Variants in CHRNA3 observed in about 807,000 individuals in gnomAD.
CHRNA3 encodes the protein neuronal acetylcholine receptor subunit alpha-3.
CHRNA3 carries 34 observed loss-of-function variants against 41.9 expected under a neutral mutation model. The observed-to-expected ratio is 0.81, with a 90% CI of 0.62 to 1.08. The LOEUF is 1.08. Ranked by LOEUF, CHRNA3 falls within the 50% of genes least tolerant of loss-of-function variation. The pLI, the probability that CHRNA3 is intolerant of heterozygous loss-of-function variation, is 0.00. For missense variants in CHRNA3, 542 were observed against 638.3 expected, an observed-to-expected ratio of 0.85 and a Z score of 1.63; for synonymous variants, 281 against 265.2, an observed-to-expected ratio of 1.06 and a Z score of -0.58.
At chr15:78,612,076 C>A (rs1352134105) in intron 4 of CHRNA3, among the ~76,000 whole-genome samples, 1 of 152,086 alleles carries the variant, frequency 6.6e-6, no homozygotes, top group Non-Finnish European at 1.5e-5. Context: ...AAGATACAAA[C>A]AAATGGAAGA....
Position 78,602,065 on chromosome 15 carries a change from C to T in CHRNA3, c.577G>A (p.Gly193Ser), listed in dbSNP as rs768795101. The change falls in exon 5 of 6, where the codon GGC becomes AGC. Residue 193 changes from glycine to serine, a missense_variant. By Grantham distance (56) the Gly-to-Ser change is moderately conservative. Coordinates refer to ENST00000326828, the MANE Select transcript of CHRNA3 (RefSeq NM_000743.5). ...DKAKIDLVLI[G>S]SSMNLKDYWE... is the part of the protein sequence containing the mutation. ...TAGTCCTTGAGGTTCATGGAAGAGCCGATCAGGACCAGATCGATTTTCGCC... is the reference window on the plus strand; with the variant it reads ...TAGTCCTTGAGGTTCATGGAAGAGCTGATCAGGACCAGATCGATTTTCGCC... The T allele has an allele frequency of 1.2e-5, 20 of 1,613,920 alleles. No homozygotes were observed. The Admixed American group carries it at 1.8e-4, about 15-fold the overall frequency.
intron 4 of CHRNA3, among the ~76,000 whole-genome samples, chr15:78,612,792 A>C (rs1596081071): frequency 7.0e-6 from 1 of 142,162 alleles, no homozygotes; most frequent in South Asian, 2.2e-4. Flanking sequence ...AACCTACAAA[A>C]TGGGAGAAAA....
intron 3 of CHRNA3, 105 bp from the exon 4 acceptor site, chr15:78,617,238 G>C: frequency 1.4e-6 from 1 of 695,704 alleles, no homozygotes; most frequent in Non-Finnish European, 2.5e-6. Context: ...CCTGCTGCAT[G>C]TGACCGAACC....
chr15:78,597,972 G>A (rs1186218817), intron 5 of CHRNA3, among the ~76,000 whole-genome samples: 2 of 152,120 alleles, frequency 1.3e-5, no homozygotes, highest in African/African-American at 4.8e-5. Context: ...TTTGCCATGA[G>A]GTACTTCATT....
chr15:78,602,133 T>A lies in CHRNA3; in HGVS notation c.509A>T (p.Tyr170Phe). ...ACCGAACTTCATGGTACAGTTTTGGTAATCAAACGGGAAGTAGGTCACGTC... is the reference window on the plus strand; with the variant it reads ...ACCGAACTTCATGGTACAGTTTTGGAAATCAAACGGGAAGTAGGTCACGTC... The part of the protein sequence containing the change: ...KIDVTYFPFD[Y>F]QNCTMKFGSW... The change falls in exon 5 of 6, where the codon TAC (tyrosine) becomes TTC (phenylalanine). Residue 170 changes from tyrosine to phenylalanine, a missense_variant. Coordinates refer to ENST00000326828, the MANE Select transcript of CHRNA3 (RefSeq NM_000743.5). The A allele has an allele frequency of 1.2e-6, 2 of 1,614,126 alleles. No homozygotes were observed. Among genetic ancestry groups the A allele is most frequent in the Non-Finnish European group, 1.7e-6 (2 of 1,180,024 alleles).
intron 4 of CHRNA3, among the ~76,000 whole-genome samples, chr15:78,604,031 C>T (rs982600407): frequency 6.6e-6 from 1 of 152,106 alleles, no homozygotes; most frequent in African/African-American, 2.4e-5. Flanking sequence ...CCTCCTGAAC[C>T]AATTCCATAC....
chr15:78,598,316 C>T (rs913839261), intron 5 of CHRNA3, among the ~76,000 whole-genome samples: 10 of 152,024 alleles, frequency 6.6e-5, no homozygotes, highest in African/African-American at 2.4e-4. Context: ...ACTCAAGCCT[C>T]ATGAAGAAAG....
chr15:78,596,754 G>T, intron 5 of CHRNA3, 22 bp from the exon 6 acceptor site: 5 of 1,574,952 alleles, frequency 3.2e-6, no homozygotes, highest in Non-Finnish European at 4.3e-6. Flanking sequence ...AATGATAAAA[G>T]AAAAAAAACA....
At chr15:78,608,897 G>A (rs1329350896) in intron 4 of CHRNA3, among the ~76,000 whole-genome samples, 3 of 152,222 alleles carry the variant, frequency 2.0e-5, no homozygotes, top group Non-Finnish European at 4.4e-5. Context: ...AGGAGCTGAT[G>A]GAGCTGAAAG....
At chr15:78,599,655 C>A (rs1472654944) in intron 5 of CHRNA3, among the ~76,000 whole-genome samples, 1 of 149,112 alleles carries the variant, frequency 6.7e-6, no homozygotes, top group Admixed American at 6.8e-5. Context: ...CCTTTGTAGC[C>A]CCCTGGATTT....
intron 4 of CHRNA3, 152 bp from the exon 5 acceptor site, chr15:78,602,416 C>G: frequency 1.2e-6 from 1 of 836,864 alleles, no homozygotes; most frequent in Non-Finnish European, 1.8e-6. Context: ...CATTTCCTGG[C>G]CCCATTTACC....
chr15:78,598,376 T>C (rs1466947457), intron 5 of CHRNA3, among the ~76,000 whole-genome samples: 1 of 151,924 alleles, frequency 6.6e-6, no homozygotes, highest in Non-Finnish European at 1.5e-5. Context: ...CAAAAAGAGC[T>C]GGCTGGACAG....
intron 4 of CHRNA3, among the ~76,000 whole-genome samples, chr15:78,605,398 C>CG (rs1567080838): frequency 6.6e-6 from 1 of 152,088 alleles, no homozygotes; most frequent in Non-Finnish European, 1.5e-5. Context: ...GACCCACATG[C>CG]GATTAGCTGC....
intron 4 of CHRNA3, among the ~76,000 whole-genome samples, chr15:78,615,515 G>A (rs2053447474): frequency 7.1e-6 from 1 of 141,470 alleles, no homozygotes; most frequent in Non-Finnish European, 1.5e-5. Flanking sequence ...AAATGTCAGG[G>A]AAGGGCCAGA....
At chr15:78,607,371 G>C (rs1405420424) in intron 4 of CHRNA3, 4 of 151,954 alleles carry the variant, frequency 2.6e-5, no homozygotes, top group African/African-American at 9.7e-5. Context: ...ATACTCTGAG[G>C]ATTCTGTCAG....
intron 4 of CHRNA3, among the ~76,000 whole-genome samples, chr15:78,609,517 C>G (rs2141335613): frequency 6.6e-6 from 1 of 152,262 alleles, no homozygotes; most frequent in Admixed American, 6.5e-5. Context: ...ACTTTACAGA[C>G]AAGCAAATGC....
chr15:78,608,182 A>G (rs1025852185), intron 4 of CHRNA3, among the ~76,000 whole-genome samples: 1 of 152,258 alleles, frequency 6.6e-6, no homozygotes. Flanking sequence ...TAACCTCTGC[A>G]GACTTCCCTG....
intron 4 of CHRNA3, among the ~76,000 whole-genome samples, chr15:78,611,265 C>A (rs1160648705): frequency 1.3e-5 from 2 of 151,820 alleles, no homozygotes; most frequent in Non-Finnish European, 2.9e-5. Flanking sequence ...GAGACACAAC[C>A]AAAAAAGAGA....
chr15:78,603,711 A>G (rs1288225083), intron 4 of CHRNA3, among the ~76,000 whole-genome samples: 1 of 151,820 alleles, frequency 6.6e-6, no homozygotes, highest in African/African-American at 2.4e-5. Context: ...GTCTCGGTTG[A>G]GCAGGATCAT....
Sources: gnomAD v4.1 joint callset for allele counts (sites outside exome capture counted in the v4.1 genomes callset) on GRCh38, gnomAD v4.1.1 for gene constraint, MANE v1.5 for transcripts, NCBI Gene and HGNC (gene_info 2026-07-23, HGNC 2026-07-21) for gene names.